The following ENTREP2 variants were observed in gnomAD, a reference collection of about 807,000 sequenced individuals.
ENTREP2 encodes endosomal transmembrane epsin interactor 2.
chr15:29,549,516 C>T, the ENTREP2 span, among the ~76,000 whole-genome samples: 5 of 152,134 alleles, frequency 3.3e-5, no homozygotes, highest in South Asian at 2.1e-4. Context: ...GTGATCCGCC[C>T]GCCTCGGCCT....
the ENTREP2 span, among the ~76,000 whole-genome samples, chr15:29,171,121 A>G: frequency 1.2e-4 from 19 of 152,074 alleles, no homozygotes; most frequent in South Asian, 4.0e-3. Context: ...TGAGTGCTCC[A>G]CTCTCACGAC....
chr15:29,249,844 T>A, the ENTREP2 span, among the ~76,000 whole-genome samples: 1 of 152,064 alleles, frequency 6.6e-6, no homozygotes, highest in East Asian at 1.9e-4. Context: ...TCAGGAAACT[T>A]ACAATCATGG....
the ENTREP2 span, among the ~76,000 whole-genome samples, chr15:29,331,951 C>T: frequency 1.3e-5 from 2 of 152,186 alleles, no homozygotes; most frequent in African/African-American, 4.8e-5. Flanking sequence ...ATCCCCAAAA[C>T]CACAACAGAA....
the ENTREP2 span, among the ~76,000 whole-genome samples, chr15:29,557,084 T>C: frequency 6.0e-4 from 91 of 152,270 alleles, no homozygotes; most frequent in Middle Eastern, 6.8e-3. Flanking sequence ...ATGTAAAAGA[T>C]TAGTCTTTCT....
chr15:29,669,918 G>A, the ENTREP2 span, among the ~76,000 whole-genome samples: 1 of 152,180 alleles, frequency 6.6e-6, no homozygotes, highest in African/African-American at 2.4e-5. Flanking sequence ...CCCACGGTGT[G>A]TCTGCCCTGT....
the ENTREP2 span, among the ~76,000 whole-genome samples, chr15:29,448,322 C>T: frequency 6.6e-6 from 1 of 152,062 alleles, no homozygotes; most frequent in Non-Finnish European, 1.5e-5. Flanking sequence ...GAAGACACAC[C>T]ACTGACCTTC....
chr15:29,149,507 C>G, the ENTREP2 span, among the ~76,000 whole-genome samples: 1 of 152,224 alleles, frequency 6.6e-6, no homozygotes, highest in East Asian at 1.9e-4. Context: ...CAGCCTGGCT[C>G]AAGCCTCGGC....
chr15:29,151,853 G>T, the ENTREP2 span: 1 of 1,541,244 alleles, frequency 6.5e-7, no homozygotes, highest in African/African-American at 1.4e-5. Flanking sequence ...TGCGAGGAAA[G>T]GTGCAGGAGA....
At chr15:29,172,982 C>G in the ENTREP2 span, among the ~76,000 whole-genome samples, 1 of 152,198 alleles carries the variant, frequency 6.6e-6, no homozygotes, top group Admixed American at 6.5e-5. Context: ...CGCCTTCCCC[C>G]GTCCCTGGCT....
chr15:29,145,555 A>G, the ENTREP2 span, among the ~76,000 whole-genome samples: 15 of 144,086 alleles, frequency 1.0e-4, no homozygotes, highest in Non-Finnish European at 2.0e-4. Context: ...CCCGGGAGGC[A>G]GAGCTTGCAG....
the ENTREP2 span, among the ~76,000 whole-genome samples, chr15:29,500,150 T>A: frequency 6.6e-6 from 1 of 152,072 alleles, no homozygotes; most frequent in African/African-American, 2.4e-5. Flanking sequence ...TCAACAATAA[T>A]AGTTGGAGAA....
chr15:29,462,160 G>A, the ENTREP2 span, among the ~76,000 whole-genome samples: 191 of 152,288 alleles, frequency 1.3e-3, no homozygotes, highest in Admixed American at 3.5e-3. Context: ...ATCAATGGAC[G>A]CTTGGGTTGC....
the ENTREP2 span, among the ~76,000 whole-genome samples, chr15:29,185,189 C>A: frequency 2.0e-5 from 3 of 151,346 alleles, no homozygotes; most frequent in African/African-American, 4.9e-5. Context: ...CTTGAACTCC[C>A]GACCTCAGAA....
chr15:29,451,816 A>G, the ENTREP2 span, among the ~76,000 whole-genome samples: 1 of 152,216 alleles, frequency 6.6e-6, no homozygotes, highest in Non-Finnish European at 1.5e-5. Context: ...TGGCAAGCCT[A>G]GCTTGGAGGC....
chr15:29,426,743 A>G, the ENTREP2 span, among the ~76,000 whole-genome samples: 1 of 152,142 alleles, frequency 6.6e-6, no homozygotes. Flanking sequence ...GTTGTTTTGA[A>G]GTTTTATTCC....
chr15:29,452,524 C>A, the ENTREP2 span: 2 of 152,252 alleles, frequency 1.3e-5, no homozygotes, highest in Non-Finnish European at 2.9e-5. Flanking sequence ...TTGGTAGTAT[C>A]TGGCCTATCA....
At chr15:29,561,431 T>G in the ENTREP2 span, among the ~76,000 whole-genome samples, 1 of 152,192 alleles carries the variant, frequency 6.6e-6, no homozygotes, top group African/African-American at 2.4e-5. Context: ...CTCACGCCTG[T>G]AATCCCCGCA....
the ENTREP2 span, among the ~76,000 whole-genome samples, chr15:29,624,563 T>C: frequency 1.6e-4 from 25 of 152,332 alleles, no homozygotes; most frequent in African/African-American, 6.0e-4. Context: ...TAGCTGTCGT[T>C]CAGTGATGTT....
the ENTREP2 span, among the ~76,000 whole-genome samples, chr15:29,553,033 C>T: frequency 2.6e-5 from 4 of 152,328 alleles, 1 homozygote; most frequent in African/African-American, 9.6e-5. Flanking sequence ...TGGTGGCTCA[C>T]GCCTGTAATC....
Sources: gnomAD v4.1 joint callset for allele counts (sites outside exome capture counted in the v4.1 genomes callset) on GRCh38, gnomAD v4.1.1 for gene constraint, MANE v1.5 for transcripts, NCBI Gene and HGNC (gene_info 2026-07-23, HGNC 2026-07-21) for gene names.